Variants in SLC6A15 observed in about 807,000 individuals in gnomAD.
The protein encoded by SLC6A15 is sodium-dependent neutral amino acid transporter B(0)AT2.
A neutral mutation model predicts 68.5 loss-of-function variants in SLC6A15; 33 were observed. That is an observed-to-expected ratio of 0.48 (90% CI 0.37 to 0.64). The LOEUF (loss-of-function observed/expected upper bound fraction) is 0.64. Ranked by LOEUF, SLC6A15 falls within the 30% of genes least tolerant of loss-of-function variation. The pLI is 0.00. For missense variants in SLC6A15, 747 were observed against 874.3 expected, an observed-to-expected ratio of 0.85 and a Z score of 1.84; for synonymous variants, 347 against 301.0, an observed-to-expected ratio of 1.15 and a Z score of -1.58.
intron 10 of SLC6A15, among the ~76,000 whole-genome samples, chr12:84,864,518 C>T (rs1165779016): frequency 6.6e-6 from 1 of 151,990 alleles, no homozygotes; most frequent in African/African-American, 2.4e-5. Context: ...TGGCGTTTCA[C>T]CATGTTGGTC....
chr12:84,876,450 A>C, intron 6 of SLC6A15, 47 bp downstream of exon 6: 1 of 956,338 alleles, frequency 1.0e-6, no homozygotes, highest in Non-Finnish European at 1.6e-6. Flanking sequence ...AACAATAAAC[A>C]TAATGCTTTC....
Position 84,885,912 on chromosome 12 carries a change from A to G in SLC6A15, c.446T>C (p.Val149Ala). 6.2e-7 allele frequency: 1 copy of G among 1,603,852 alleles called. No homozygotes were observed. The highest frequency in any genetic ancestry group is 8.5e-7 in the Non-Finnish European group (1 of 1,176,314). Residue 149 changes from valine (V) to alanine (A), a missense_variant and splice_region_variant, in exon 3 of 12, where the codon GTA (valine) becomes GCA (alanine). Val to Ala is a moderately conservative substitution (Grantham distance 64). Coordinates refer to ENST00000266682, the MANE Select transcript of SLC6A15 (RefSeq NM_182767.6). ...ATACACCAACAAAAGGAAACTTACT[A>G]CACAACTTGCAAATCCAATCCCGCC... Reference protein sequence around the residue: ...KLGGIGFASCVVCYFVALYYN... With the variant: ...KLGGIGFASCAVCYFVALYYN...
rs575011064 is a variant in SLC6A15, at chr12:84,900,651, T to C, written c.-188-8343A>G. Among the ~76,000 whole-genome samples, 5 of 151,918 alleles carry C rather than the reference T, an allele frequency of 3.3e-5. No individual in the cohort carries two copies. In the East Asian group the frequency reaches 9.7e-4, roughly 29 times the overall value. On this transcript the variant is annotated intron_variant, in intron 1 of 11. Coordinates refer to ENST00000266682, the MANE Select transcript of SLC6A15 (RefSeq NM_182767.6). ...TCCTAGTTCAGTGAGGTCATTAGTT[T>C]GAATTACTGTGTTAAATTTTGACAA... is the stretch of plus-strand genomic sequence containing the variant.
intron 3 of SLC6A15, 42 bp downstream of exon 3, chr12:84,885,869 C>T (rs1872075431): frequency 6.6e-7 from 1 of 1,520,512 alleles, no homozygotes; most frequent in Non-Finnish European, 8.9e-7. Context: ...TAATTTGAAA[C>T]CCTATAAAGA....
At chr12:84,865,818 A>G (rs969496060) in intron 10 of SLC6A15, among the ~76,000 whole-genome samples, 4 of 152,198 alleles carry the variant, frequency 2.6e-5, no homozygotes, top group Non-Finnish European at 5.9e-5. Flanking sequence ...GATGTATGAC[A>G]ATTTATCCAT....
At chr12:84,881,607 G>A (rs1179163304) in intron 5 of SLC6A15, 1 of 985,336 alleles carries the variant, frequency 1.0e-6, no homozygotes, top group Non-Finnish European at 1.2e-6. Context: ...TGGGGTATAT[G>A]TATATGCATG....
intron 2 of SLC6A15, among the ~76,000 whole-genome samples, chr12:84,886,626 A>T (rs1872117034): frequency 6.6e-6 from 1 of 151,750 alleles, no homozygotes; most frequent in Non-Finnish European, 1.5e-5. Flanking sequence ...TCTACCAGAG[A>T]CAAATGTCAT....
At position 84,885,922 on chromosome 12, in the gene SLC6A15, C is replaced by G; in HGVS notation, c.436G>C (p.Ala146Pro). The G allele has an allele frequency of 6.2e-7, 1 of 1,604,902 alleles. No individual in the cohort carries two copies. The highest frequency in any genetic ancestry group is 1.1e-5 in the South Asian group (1 of 89,244). Residue 146 changes from alanine to proline, a missense_variant, in exon 3 of 12, where the codon GCA becomes CCA. Ala to Pro is a conservative substitution (Grantham distance 27). Coordinates refer to ENST00000266682, the MANE Select transcript of SLC6A15 (RefSeq NM_182767.6). ...ISPKLGGIGF[A>P]SCVVCYFVAL... ...AAAAGGAAACTTACTACACAACTTGCAAATCCAATCCCGCCCAGTTTAGGG... is the reference window on the plus strand; with the variant it reads ...AAAAGGAAACTTACTACACAACTTGGAAATCCAATCCCGCCCAGTTTAGGG...
At chr12:84,862,049 T>C (rs1366654627) in intron 11 of SLC6A15, 43 bp from the exon 12 acceptor site, 2 of 1,506,418 alleles carry the variant, frequency 1.3e-6, no homozygotes, top group East Asian at 2.3e-5. Flanking sequence ...TCTATCTTTC[T>C]TTGCACATAC....
At chr12:84,873,398 T>C in intron 6 of SLC6A15, 70 bp from the exon 7 acceptor site, 2 of 1,541,824 alleles carry the variant, frequency 1.3e-6, no homozygotes, top group Non-Finnish European at 1.8e-6. Flanking sequence ...TTTATGGAAT[T>C]TACTGTTTAT....
chr12:84,882,088 G>A (rs2120626616), intron 5 of SLC6A15: 1 of 985,364 alleles, frequency 1.0e-6, no homozygotes, highest in Non-Finnish European at 1.2e-6. Context: ...AGAAAAGGAT[G>A]AATAGTTCTT....
intron 1 of SLC6A15, among the ~76,000 whole-genome samples, chr12:84,910,615 C>A (rs927518407): frequency 8.5e-5 from 13 of 152,184 alleles, no homozygotes; most frequent in African/African-American, 3.1e-4. Context: ...GTCTAACCAA[C>A]TGACCACGAG....
intron 5 of SLC6A15, chr12:84,882,085 G>A (rs1871846484): frequency 1.0e-6 from 1 of 985,266 alleles, no homozygotes; most frequent in African/African-American, 1.7e-5. Context: ...ATAAGAAAAG[G>A]ATGAATAGTT....
At chr12:84,878,412 C>G (rs1201680372) in intron 5 of SLC6A15, among the ~76,000 whole-genome samples, 1 of 151,970 alleles carries the variant, frequency 6.6e-6, no homozygotes, top group East Asian at 1.9e-4. Flanking sequence ...TTAAAGTAAT[C>G]CCCTTTATGA....
At position 84,878,735 on chromosome 12, in the gene SLC6A15, C is replaced by T. The variant is rs117021216; in HGVS notation, c.757-2128G>A. Among the ~76,000 whole-genome samples the T allele has an allele frequency of 4.1e-4, 62 of 152,104 alleles. No homozygotes were observed. The East Asian group carries it at 0.01, about 26-fold the overall frequency. ...CTTCCTGTACTCATATTATTCGAGG[C>T]TAAAATACTCTAATCTACCCTTAGT... On this transcript the variant is annotated intron_variant, in intron 5 of 11. Transcript: ENST00000266682.
At position 84,869,266 on chromosome 12, in the gene SLC6A15, T is replaced by C. The variant is rs1017411919; in HGVS notation, c.1495+1212A>G. 7.9e-5 allele frequency among the ~76,000 whole-genome samples: 12 copies of C among 152,094 alleles called. No homozygotes were observed. In the East Asian group the frequency reaches 1.2e-3, roughly 15 times the overall value. ...CGAGGTCAGGAGATTGAGACCATCC[T>C]GGCTAACACGGTGAAACCCCGTCTC... On this transcript the variant is annotated intron_variant, in intron 9 of 11. Coordinates refer to ENST00000266682, the MANE Select transcript of SLC6A15 (RefSeq NM_182767.6).
intron 2 of SLC6A15, among the ~76,000 whole-genome samples, 165 bp downstream of exon 2, chr12:84,891,667 T>C (rs1014095737): frequency 1.3e-5 from 2 of 152,158 alleles, no homozygotes; most frequent in African/African-American, 4.8e-5. Context: ...GGAAACGTAA[T>C]CTGAAAACAT....
At chr12:84,863,390 A>AGCTTTTTTAGAGG in intron 11 of SLC6A15, 49 bp downstream of exon 11, 2 of 1,435,478 alleles carry the variant, frequency 1.4e-6, no homozygotes, top group Non-Finnish European at 9.3e-7. Context: ...CCTCTAAAAA[A>AGCTTTTTTAGAGG]GCTTTTTATA....
At chr12:84,876,752 T>C in intron 5 of SLC6A15, 145 bp from the exon 6 acceptor site, 1 of 496,984 alleles carries the variant, frequency 2.0e-6, no homozygotes, top group Non-Finnish European at 3.6e-6. Flanking sequence ...AAGCCATTTT[T>C]TAAGAATGGT....
Sources: gnomAD v4.1 joint callset for allele counts (sites outside exome capture counted in the v4.1 genomes callset) on GRCh38, gnomAD v4.1.1 for gene constraint, MANE v1.5 for transcripts, NCBI Gene and HGNC (gene_info 2026-07-23, HGNC 2026-07-21) for gene names.